RIMBP2: variants seen among roughly 807,000 people sequenced by gnomAD.
RIMBP2 encodes the protein RIMS-binding protein 2.
A neutral mutation model predicts 118.6 loss-of-function variants in RIMBP2; 48 were observed. The ratio of observed to expected loss-of-function variants is 0.40; its 90% CI spans 0.32 to 0.51. RIMBP2 has a LOEUF of 0.51. Ranked by LOEUF, RIMBP2 falls within the 20% of genes least tolerant of loss-of-function variation. RIMBP2 has a pLI of 0.41. For synonymous variants in RIMBP2, 762 were observed against 742.9 expected (o/e 1.03, Z -0.42); for missense variants, 1,551 against 1,768.3 (o/e 0.88, Z 2.20).
At chr12:130,645,250 C>A (rs890871201) in intron 1 of RIMBP2, among the ~76,000 whole-genome samples, 43 of 152,274 alleles carry the variant, frequency 2.8e-4, no homozygotes, top group African/African-American at 9.4e-4. Flanking sequence ...GTCCACCACG[C>A]CTGGCAAATT....
intron 4 of RIMBP2, among the ~76,000 whole-genome samples, chr12:130,500,504 C>T (rs2049645377): frequency 6.6e-6 from 1 of 152,164 alleles, no homozygotes; most frequent in Non-Finnish European, 1.5e-5. Flanking sequence ...CCATGTGTTG[C>T]TGTGCATAAC....
intron 1 of RIMBP2, among the ~76,000 whole-genome samples, chr12:130,713,999 C>T (rs1486604463): frequency 1.3e-5 from 2 of 152,342 alleles, no homozygotes; most frequent in South Asian, 4.1e-4. Context: ...CCCGGCTCCT[C>T]CCCAGACCTG....
chr12:130,432,313 T>C (rs1046467781), intron 14 of RIMBP2: 2 of 456,524 alleles, frequency 4.4e-6, no homozygotes, highest in Non-Finnish European at 8.8e-6. Context: ...TCTGTGGGCC[T>C]CAGTTTCCCT....
In RIMBP2 at chr12:130,422,738, A is replaced by G. The variant is rs1435603195; in HGVS notation, c.3130-177T>C. Reference sequence around the variant, plus strand: ...GAACAAAGCCGGGCACCAGCACCCCACTGTCTACTCGGAGCCGCTGCTGGG... The same window carrying G: ...GAACAAAGCCGGGCACCAGCACCCCGCTGTCTACTCGGAGCCGCTGCTGGG... On this transcript the variant is annotated intron_variant, in intron 16 of 22. Coordinates refer to ENST00000690449, the MANE Select transcript of RIMBP2 (RefSeq NM_001393629.1). The surrounding 1 kb of genome is among the most constrained non-coding windows in gnomAD (Gnocchi z 5.2). Among the ~76,000 whole-genome samples the G allele has an allele frequency of 6.6e-6, 1 of 152,188 alleles. No homozygotes were observed. The highest frequency in any genetic ancestry group is 1.5e-5 in the Non-Finnish European group (1 of 68,028).
intron 2 of RIMBP2, among the ~76,000 whole-genome samples, chr12:130,601,335 C>CAAAAA (rs35127958): frequency 4.3e-4 from 27 of 63,048 alleles, no homozygotes; most frequent in South Asian, 9.4e-4. Context: ...AGAGGGCAGG[C>CAAAAA]AAAAAAAAAA....
At chr12:130,702,849 T>A (rs1042060108) in intron 1 of RIMBP2, among the ~76,000 whole-genome samples, 3 of 152,126 alleles carry the variant, frequency 2.0e-5, no homozygotes, top group Non-Finnish European at 4.4e-5. Context: ...TTGGGGCCGC[T>A]CTTTTCTCAT....
intron 1 of RIMBP2, among the ~76,000 whole-genome samples, chr12:130,636,314 T>A (rs919937443): frequency 2.6e-5 from 4 of 152,194 alleles, no homozygotes; most frequent in African/African-American, 9.7e-5. Context: ...ACCACACAGA[T>A]TCCTAATTTC....
chr12:130,546,283 T>A (rs1423667222), intron 2 of RIMBP2, among the ~76,000 whole-genome samples: 1 of 151,680 alleles, frequency 6.6e-6, no homozygotes, highest in Non-Finnish European at 1.5e-5. Flanking sequence ...TTTTTGTGTT[T>A]TTTGTTAGTT....
At chr12:130,430,065 C>T (rs546399091) in intron 14 of RIMBP2, 1 of 152,368 alleles carries the variant, frequency 6.6e-6, no homozygotes, top group African/African-American at 2.4e-5. Flanking sequence ...TGAGGTCAGC[C>T]CTCTCTCCAT....
rs2053162946 is a variant in RIMBP2 at position 130,529,584 on chromosome 12, A to C, written c.-216-11667T>G. Among the ~76,000 whole-genome samples the C allele has an allele frequency of 2.6e-5, 4 of 152,280 alleles. No homozygotes were observed. In the South Asian group the frequency reaches 8.3e-4, roughly 32 times the overall value. Reference sequence around the variant, plus strand: ...GTTGCAAATGTACTAAATGCCACTGAATTGTTCACTATAAATGGTTAATTT... The same window carrying C: ...GTTGCAAATGTACTAAATGCCACTGCATTGTTCACTATAAATGGTTAATTT... On this transcript the variant is annotated intron_variant, in intron 2 of 22. Coordinates refer to ENST00000690449, the MANE Select transcript of RIMBP2 (RefSeq NM_001393629.1).
rs144236208 is a variant in RIMBP2, at chr12:130,491,331, C to T, written c.-3-12315G>A. 4.6e-5 allele frequency among the ~76,000 whole-genome samples: 7 copies of T among 152,296 alleles called. No homozygotes were observed. The East Asian group carries it at 5.8e-4, about 13-fold the overall frequency. On this transcript the variant is annotated intron_variant, in intron 4 of 22. Transcript: ENST00000690449. ...GGCTCAAGCCAGGATTTGCACCTAG[C>T]GAGCCCAGCTCACTCTCCCTCCACT...
intron 1 of RIMBP2, among the ~76,000 whole-genome samples, chr12:130,690,739 A>G (rs537130045): frequency 6.6e-6 from 1 of 152,274 alleles, no homozygotes; most frequent in East Asian, 1.9e-4. Context: ...GGAAAATGAC[A>G]AAAGGTCTGA....
At chr12:130,555,563 G>A (rs1312122920) in intron 2 of RIMBP2, among the ~76,000 whole-genome samples, 1 of 152,116 alleles carries the variant, frequency 6.6e-6, no homozygotes, top group Non-Finnish European at 1.5e-5. Context: ...ACATTGAAGT[G>A]GTAAGTGACA....
At chr12:130,496,072 G>A (rs7978947) in intron 4 of RIMBP2, among the ~76,000 whole-genome samples, 57,148 of 151,970 alleles carry the variant, frequency 0.38, 11,251 homozygotes, top group Non-Finnish European at 0.4. Context: ...GAGTACGTCC[G>A]TGCCTGTAGC....
intron 4 of RIMBP2, among the ~76,000 whole-genome samples, chr12:130,500,961 C>T (rs1356747706): frequency 3.3e-5 from 5 of 152,088 alleles, no homozygotes; most frequent in Non-Finnish European, 5.9e-5. Context: ...CAGGGAGGTC[C>T]GTAGAGTGGG....
chr12:130,615,276 C>CATATATGTATATATATATATAT (rs1555309136), intron 2 of RIMBP2, among the ~76,000 whole-genome samples: 17 of 100,262 alleles, frequency 1.7e-4, no homozygotes, highest in African/African-American at 6.3e-4. Flanking sequence ...AATACACATA[C>CATATATGTATATATATATATAT]ATATATATAT....
In RIMBP2 at chr12:130,578,846, G is replaced by A. The variant is rs761362056; in HGVS notation, c.-217+49476C>T. On this transcript the variant is annotated intron_variant, in intron 2 of 22. Coordinates refer to ENST00000690449, the MANE Select transcript of RIMBP2 (RefSeq NM_001393629.1). The surrounding 1 kb of genome is among the most constrained non-coding windows in gnomAD (Gnocchi z 4.1). ...AGAAAGGCTTGGATTTATAAGATGT[G>A]CACCAAACATAACTAATGCTCCCAG... Among the ~76,000 whole-genome samples, 6 of 152,146 alleles carry A rather than the reference G, an allele frequency of 3.9e-5. No individual in the cohort carries two copies. The highest frequency in any genetic ancestry group is 8.8e-5 in the Non-Finnish European group (6 of 68,032).
Position 130,703,836 on chromosome 12 carries a change from C to A in RIMBP2, c.-352+12386G>T, listed in dbSNP as rs2632604. ...GAAATACAGAGAGAGAGAGAGAGATCGATCTAGAAGCACGGAGGGAACCCT... is the reference window on the plus strand; with the variant it reads ...GAAATACAGAGAGAGAGAGAGAGATAGATCTAGAAGCACGGAGGGAACCCT... On this transcript the variant is annotated intron_variant, in intron 1 of 22. Coordinates refer to ENST00000690449, the MANE Select transcript of RIMBP2 (RefSeq NM_001393629.1). The surrounding 1 kb of genome is among the most constrained non-coding windows in gnomAD (Gnocchi z 5.7). 0.61 allele frequency among the ~76,000 whole-genome samples: 75,458 copies of A among 123,174 alleles called. 21,145 individuals carry two copies. The highest frequency in any genetic ancestry group is 0.73 in the Middle Eastern group (191 of 262). 80.8% of individuals were successfully genotyped at this position (123,174 alleles called of 152,430 possible).
chr12:130,406,149 T>C (rs1359577733), intron 21 of RIMBP2, 23 bp downstream of exon 21: 1 of 1,341,064 alleles, frequency 7.5e-7, no homozygotes, highest in East Asian at 2.3e-5. Context: ...CAAATGGTAC[T>C]TCTTGATATT....
Sources: allele counts gnomAD v4.1 joint callset (sites outside exome capture counted in the v4.1 genomes callset), GRCh38; gene constraint gnomAD v4.1.1; non-coding constraint Gnocchi (gnomAD v3.1); transcripts MANE v1.5; gene names NCBI Gene and HGNC (gene_info 2026-07-23, HGNC 2026-07-21).